ERC2: variants seen among roughly 807,000 people sequenced by gnomAD.
ERC2 encodes the protein ELKS/RAB6-interacting/CAST family member 2.
ERC2 carries 42 observed loss-of-function variants against 114.8 expected under a neutral mutation model. The ratio of observed to expected loss-of-function variants is 0.37; its 90% confidence interval spans 0.29 to 0.47. The LOEUF (loss-of-function observed/expected upper bound fraction) is 0.47. Ranked by LOEUF, ERC2 falls within the 20% of genes least tolerant of loss-of-function variation. The probability of loss-of-function intolerance (pLI) is 0.99; values close to 1 mark genes in which losing one functional copy is unlikely to be tolerated. For missense variants in ERC2, 939 were observed against 1,150.7 expected (o/e 0.82, Z 2.66); for synonymous variants, 454 against 425.5 (o/e 1.07, Z -0.82).
intron 13 of ERC2, among the ~76,000 whole-genome samples, chr3:55,912,432 G>T (rs1030117762): frequency 6.6e-6 from 1 of 152,160 alleles, no homozygotes; most frequent in Non-Finnish European, 1.5e-5. Context: ...AAAATGAAAA[G>T]TGACTTCAGT....
chr3:56,215,086 A>G lies in ERC2; in HGVS notation c.1075-41566T>C, dbSNP rs190474757. 2.9e-3 allele frequency among the ~76,000 whole-genome samples: 449 copies of G among 152,320 alleles called. 1 individual carries two copies. Among genetic ancestry groups the G allele is most frequent in the Non-Finnish European group, 4.6e-3 (316 of 68,024 alleles). ...AGGCTAGGAAGAAACTGCATCAACT[A>G]ACGAGCAAAATAACGAGCTAACATC... is the stretch of plus-strand genomic sequence containing the variant. On this transcript the variant is annotated intron_variant, in intron 3 of 17. Transcript: ENST00000288221.
intron 14 of ERC2, among the ~76,000 whole-genome samples, chr3:55,858,470 G>C (rs2061884322): frequency 1.3e-5 from 2 of 152,164 alleles, no homozygotes; most frequent in African/African-American, 4.8e-5. Context: ...ACATGACTCT[G>C]AGCAAAAATA....
At chr3:56,249,312 A>G (rs1215280020) in intron 3 of ERC2, among the ~76,000 whole-genome samples, 1 of 151,456 alleles carries the variant, frequency 6.6e-6, no homozygotes, top group Non-Finnish European at 1.5e-5. Context: ...GCCACTTACA[A>G]AGAATGTGAC....
intron 14 of ERC2, among the ~76,000 whole-genome samples, chr3:55,864,001 G>A (rs984428943): frequency 6.7e-6 from 1 of 150,350 alleles, no homozygotes; most frequent in Non-Finnish European, 1.5e-5. Flanking sequence ...ACAGCATAAA[G>A]GTTGTCATTA....
intron 2 of ERC2, among the ~76,000 whole-genome samples, chr3:56,366,240 A>T (rs1266250876): frequency 6.6e-6 from 1 of 152,240 alleles, no homozygotes. Context: ...CACTGTAAGA[A>T]GTCCAAAAAG....
At chr3:55,659,527 T>C (rs996514848) in intron 17 of ERC2, 1 of 151,994 alleles carries the variant, frequency 6.6e-6, no homozygotes, top group Non-Finnish European at 1.5e-5. Context: ...GTCCCAATAG[T>C]CTCTGTGCTC....
At chr3:55,880,808 A>G (rs1200045247) in intron 14 of ERC2, among the ~76,000 whole-genome samples, 1 of 152,136 alleles carries the variant, frequency 6.6e-6, no homozygotes, top group Non-Finnish European at 1.5e-5. Context: ...AAAAAGAAAA[A>G]AAAGAAATTC....
intron 15 of ERC2, among the ~76,000 whole-genome samples, chr3:55,733,536 TCTCTCTCACACACA>T (rs1270027653): frequency 0.015 from 1,025 of 68,628 alleles, 16 homozygotes; most frequent in South Asian, 0.082. Flanking sequence ...ATTCTTTCTC[TCTCTCTCACACACA>T]CACACACACA....
chr3:56,159,608 C>A (rs1308479729), intron 4 of ERC2, among the ~76,000 whole-genome samples: 1 of 152,098 alleles, frequency 6.6e-6, no homozygotes, highest in South Asian at 2.1e-4. Context: ...GATCCCATAA[C>A]CCAGGCATTA....
chr3:56,126,855 A>AAAG (rs2079903575), intron 6 of ERC2, among the ~76,000 whole-genome samples: 3 of 46,062 alleles, frequency 6.5e-5, no homozygotes, highest in African/African-American at 1.0e-4. Flanking sequence ...GGAAAGGAAA[A>AAAG]GAAAGGCAAG....
intron 17 of ERC2, among the ~76,000 whole-genome samples, chr3:55,642,604 C>A (rs755598893): frequency 1.3e-5 from 2 of 152,118 alleles, no homozygotes; most frequent in African/African-American, 2.4e-5. Flanking sequence ...GCTGGGATTA[C>A]AGGTGTGATC....
At chr3:55,646,745 G>A (rs1189981234) in intron 17 of ERC2, among the ~76,000 whole-genome samples, 1 of 152,066 alleles carries the variant, frequency 6.6e-6, no homozygotes, top group Non-Finnish European at 1.5e-5. Context: ...CAACCCTGGT[G>A]TCTAGAACAG....
intron 2 of ERC2, among the ~76,000 whole-genome samples, chr3:56,330,501 C>A (rs2057561553): frequency 6.6e-6 from 1 of 152,178 alleles, no homozygotes; most frequent in South Asian, 2.1e-4. Context: ...GAGCAATTTT[C>A]ACTAACCCAC....
intron 6 of ERC2, among the ~76,000 whole-genome samples, chr3:56,085,884 G>GCA (rs1178739201): frequency 6.6e-6 from 1 of 152,106 alleles, no homozygotes; most frequent in Non-Finnish European, 1.5e-5. Context: ...CATTTGCCCT[G>GCA]CATCCTACCT....
chr3:55,958,506 G>A (rs2068125384), intron 12 of ERC2, among the ~76,000 whole-genome samples: 1 of 152,200 alleles, frequency 6.6e-6, no homozygotes, highest in Non-Finnish European at 1.5e-5. Context: ...CTTCACCAGG[G>A]ATCTGTCCCT....
chr3:56,379,236 G>C (rs2059659213), intron 2 of ERC2, among the ~76,000 whole-genome samples: 1 of 152,076 alleles, frequency 6.6e-6, no homozygotes, highest in East Asian at 1.9e-4. Context: ...GGACAGTTCA[G>C]GGTAAATGCA....
chr3:55,839,302 T>C (rs1054177977), intron 14 of ERC2, among the ~76,000 whole-genome samples: 4 of 151,726 alleles, frequency 2.6e-5, no homozygotes, highest in African/African-American at 9.7e-5. Context: ...ATAGAATTCT[T>C]CACTAGTAGA....
chr3:55,762,623 G>C (rs1036900252), intron 14 of ERC2, among the ~76,000 whole-genome samples: 4 of 152,166 alleles, frequency 2.6e-5, no homozygotes, highest in Non-Finnish European at 5.9e-5. Context: ...GCTGGTAGAA[G>C]AAACGAAGGG....
intron 2 of ERC2, among the ~76,000 whole-genome samples, chr3:56,425,563 T>TTTTC (rs1553626001): frequency 1.0e-4 from 6 of 58,582 alleles, no homozygotes; most frequent in African/African-American, 4.3e-4. Context: ...CCTTTTTCTT[T>TTTTC]TTTTTTTTTT....
Sources: allele counts gnomAD v4.1 joint callset (sites outside exome capture counted in the v4.1 genomes callset), GRCh38; gene constraint gnomAD v4.1.1; transcripts MANE v1.5; gene names NCBI Gene and HGNC (gene_info 2026-07-23, HGNC 2026-07-21).